Variants in SREK1IP1 observed in about 807,000 individuals in gnomAD.
SREK1IP1 encodes protein SREK1IP1.
Under a neutral mutation model 22.8 loss-of-function variants are expected in SREK1IP1, and 12 were observed. The observed-to-expected ratio is 0.53, with a 90% CI of 0.34 to 0.85. SREK1IP1 has a LOEUF of 0.85. Ranked by LOEUF, SREK1IP1 falls within the 40% of genes least tolerant of loss-of-function variation. The pLI is 0.02. For missense variants in SREK1IP1, 147 were observed against 171.8 expected, an observed-to-expected ratio of 0.86 and a Z score of 0.81; for synonymous variants, 53 against 52.7, an observed-to-expected ratio of 1.01 and a Z score of -0.02.
At chr5:64,753,935 A>G (rs1353831277) in intron 2 of SREK1IP1, among the ~76,000 whole-genome samples, 1 of 152,238 alleles carries the variant, frequency 6.6e-6, no homozygotes, top group Non-Finnish European at 1.5e-5. Context: ...TAAATGTAAT[A>G]AACACAAAAA....
intron 3 of SREK1IP1, among the ~76,000 whole-genome samples, chr5:64,731,425 G>A (rs1264249443): frequency 1.3e-5 from 2 of 151,450 alleles, no homozygotes; most frequent in African/African-American, 4.9e-5. Context: ...TGAGGCGGAG[G>A]ACTGCTTGGG....
rs1444747973 is a variant in SREK1IP1 at position 64,721,409 on chromosome 5, G to C, written c.*2975C>G. On this transcript the variant is annotated 3_prime_UTR_variant, in exon 5 of 5. Coordinates refer to ENST00000513458, the MANE Select transcript of SREK1IP1 (RefSeq NM_173829.4). ...CCTAGTTTACTCTGAAGGTAAACTA[G>C]GGTTATATAATTTTAGATACAGTTG... 4 of 152,130 alleles carry C rather than the reference G, an allele frequency of 2.6e-5. No homozygotes were observed. Among genetic ancestry groups the C allele is most frequent in the Non-Finnish European group, 5.9e-5 (4 of 68,028 alleles). The allele number at this position is 152,130 out of a possible 1,614,324, so 9.4% of individuals were successfully genotyped here. A position where few individuals can be genotyped will look rare whatever the true frequency, so the allele number is the denominator to read the frequency against.
intron 3 of SREK1IP1, among the ~76,000 whole-genome samples, chr5:64,733,332 G>GTT (rs1316789370): frequency 6.6e-6 from 1 of 152,002 alleles, no homozygotes; most frequent in Non-Finnish European, 1.5e-5. Context: ...ATATCAACAT[G>GTT]TATAAAGAAC....
intron 3 of SREK1IP1, among the ~76,000 whole-genome samples, chr5:64,737,722 G>GA (rs557112289): frequency 6.6e-6 from 1 of 151,706 alleles, no homozygotes; most frequent in Non-Finnish European, 1.5e-5. Context: ...AATTAGAACT[G>GA]AAAAAAGAGA....
At chr5:64,738,326 T>G (rs1295459497) in intron 3 of SREK1IP1, among the ~76,000 whole-genome samples, 1 of 152,080 alleles carries the variant, frequency 6.6e-6, no homozygotes, top group Non-Finnish European at 1.5e-5. Flanking sequence ...AAAAATCAAA[T>G]GAATATTTCA....
Position 64,743,698 on chromosome 5 carries a change from G to A in SREK1IP1, c.62-2498C>T, listed in dbSNP as rs1336135435. Among the ~76,000 whole-genome samples, 3 of 152,258 alleles carry A rather than the reference G, an allele frequency of 2.0e-5. No individual in the cohort carries two copies. In the East Asian group the frequency reaches 5.8e-4, roughly 29 times the overall value. The stretch of plus-strand genomic sequence containing the variant: ...TTTGTCAATTTCTCCTTGTAACACA[G>A]ATTTTGCTATATATTTTGAGACATT... On this transcript the variant is annotated intron_variant, in intron 2 of 4. Coordinates refer to ENST00000513458, the MANE Select transcript of SREK1IP1 (RefSeq NM_173829.4).
At chr5:64,739,966 T>A (rs1742526464) in intron 3 of SREK1IP1, among the ~76,000 whole-genome samples, 1 of 152,182 alleles carries the variant, frequency 6.6e-6, no homozygotes, top group African/African-American at 2.4e-5. Context: ...TTAAAATTTG[T>A]AACTCTCTCA....
chr5:64,736,994 A>C (rs1580542663), intron 3 of SREK1IP1, among the ~76,000 whole-genome samples: 1 of 152,038 alleles, frequency 6.6e-6, no homozygotes, highest in East Asian at 1.9e-4. Flanking sequence ...TGAGGAACTA[A>C]GGAAATAAAA....
chr5:64,730,014 A>T (rs1742349854), intron 3 of SREK1IP1, among the ~76,000 whole-genome samples: 1 of 152,298 alleles, frequency 6.6e-6, no homozygotes, highest in Admixed American at 6.5e-5. Context: ...AAAATCATTT[A>T]GTAAGAGAAT....
chr5:64,751,795 T>C (rs987692910), intron 2 of SREK1IP1, among the ~76,000 whole-genome samples: 4 of 152,078 alleles, frequency 2.6e-5, no homozygotes, highest in African/African-American at 7.2e-5. Context: ...CTATAAAAAA[T>C]AGAAAATGCA....
intron 4 of SREK1IP1, among the ~76,000 whole-genome samples, chr5:64,726,583 A>G (rs570824553): frequency 1.0e-3 from 159 of 152,080 alleles, no homozygotes; most frequent in African/African-American, 3.7e-3. Flanking sequence ...CTCAAAAAAA[A>G]AAAAAAAAAA....
At position 64,723,290 on chromosome 5, in the gene SREK1IP1, A is replaced by G. The variant is rs1200586824; in HGVS notation, c.*1094T>C. ...TTAAAAAGTACAGAATAAAATTCTC[A>G]ATTCTTTTTTTGACACTTTTTACTC... On this transcript the variant is annotated 3_prime_UTR_variant, in exon 5 of 5. Coordinates refer to ENST00000513458, the MANE Select transcript of SREK1IP1 (RefSeq NM_173829.4). 1 of 152,192 alleles carries G rather than the reference A, an allele frequency of 6.6e-6. No individual in the cohort carries two copies. 9.4% of individuals were successfully genotyped at this position (152,192 alleles called of 1,614,324 possible).
intron 2 of SREK1IP1, among the ~76,000 whole-genome samples, chr5:64,744,413 G>C (rs1175639475): frequency 6.6e-6 from 1 of 152,002 alleles, no homozygotes; most frequent in African/African-American, 2.4e-5. Context: ...ACTTGCCTCA[G>C]TCTCTTCTTC....
chr5:64,765,751 T>C (rs1336750556), intron 1 of SREK1IP1, among the ~76,000 whole-genome samples: 1 of 152,220 alleles, frequency 6.6e-6, no homozygotes, highest in Middle Eastern at 3.2e-3. Flanking sequence ...GGTCTAAGTT[T>C]AAGAGAATTT....
chr5:64,721,195 A>G lies in SREK1IP1; in HGVS notation c.*3189T>C, dbSNP rs893992733. Reference sequence around the variant, plus strand: ...TCATGTCAATTACTGCACTAATTATATAACGGTGTATGCTCTGGTGTTTCT... The same window carrying G: ...TCATGTCAATTACTGCACTAATTATGTAACGGTGTATGCTCTGGTGTTTCT... On this transcript the variant is annotated 3_prime_UTR_variant, in exon 5 of 5. Transcript: ENST00000513458. 2 of 152,212 alleles carry G rather than the reference A, an allele frequency of 1.3e-5. No individual in the cohort carries two copies. The highest frequency in any genetic ancestry group is 4.8e-5 in the African/African-American group (2 of 41,458). 9.4% of individuals were successfully genotyped at this position (152,212 alleles called of 1,614,324 possible).
At chr5:64,755,490 A>G (rs1392681210) in intron 1 of SREK1IP1, among the ~76,000 whole-genome samples, 1 of 152,162 alleles carries the variant, frequency 6.6e-6, no homozygotes, top group Non-Finnish European at 1.5e-5. Flanking sequence ...TCTCATTTAT[A>G]AGTGGGAGCT....
intron 1 of SREK1IP1, among the ~76,000 whole-genome samples, chr5:64,764,598 G>C (rs1743006076): frequency 6.6e-6 from 1 of 152,120 alleles, no homozygotes; most frequent in Admixed American, 6.5e-5. Flanking sequence ...GGGGAGACTT[G>C]GCATTTTTAA....
rs11745954 is a variant in SREK1IP1 at position 64,732,890 on chromosome 5, A to T, written c.206-4711T>A. On this transcript the variant is annotated intron_variant, in intron 3 of 4. Coordinates refer to ENST00000513458, the MANE Select transcript of SREK1IP1 (RefSeq NM_173829.4). Reference sequence around the variant, plus strand: ...GCACAGAGAATCCAGAAACAAGCACACACAAATAGAACCAACTGATTTTTT... The same window carrying T: ...GCACAGAGAATCCAGAAACAAGCACTCACAAATAGAACCAACTGATTTTTT... Among the ~76,000 whole-genome samples the T allele has an allele frequency of 1.9e-3, 287 of 151,940 alleles. 1 individual carries two copies. The highest frequency in any genetic ancestry group is 3.1e-3 in the Non-Finnish European group (209 of 67,898).
chr5:64,729,139 C>T (rs1742329507), intron 3 of SREK1IP1, among the ~76,000 whole-genome samples: 1 of 152,206 alleles, frequency 6.6e-6, no homozygotes, highest in Non-Finnish European at 1.5e-5. Flanking sequence ...CAGTTTGTCT[C>T]ATAAAATCCT....
Sources: allele counts gnomAD v4.1 joint callset (sites outside exome capture counted in the v4.1 genomes callset), GRCh38; gene constraint gnomAD v4.1.1; transcripts MANE v1.5; gene names NCBI Gene and HGNC (gene_info 2026-07-23, HGNC 2026-07-21).